Variants in PRCP observed in about 807,000 individuals in gnomAD.
PRCP encodes the protein lysosomal Pro-X carboxypeptidase.
A neutral mutation model predicts 54.2 loss-of-function variants in PRCP; 46 were observed. The ratio of observed to expected loss-of-function variants is 0.85; its 90% confidence interval spans 0.67 to 1.09. The LOEUF is 1.09. PRCP is among the 50% of genes least tolerant of loss of function. PRCP has a pLI of 0.00. For missense variants in PRCP, 613 were observed against 596.8 expected (o/e 1.03, Z -0.28); for synonymous variants, 240 against 212.2 (o/e 1.13, Z -1.14).
chr11:82,878,589 G>A (rs1859662441), intron 1 of PRCP, among the ~76,000 whole-genome samples: 1 of 152,138 alleles, frequency 6.6e-6, no homozygotes, highest in South Asian at 2.1e-4. Flanking sequence ...TCATTATGAT[G>A]TTAGCTGGTT....
chr11:82,835,823 C>T, intron 8 of PRCP: 1 of 503,476 alleles, frequency 2.0e-6, no homozygotes, highest in Admixed American at 2.0e-5. Flanking sequence ...ACCAGATGAA[C>T]CAGAGGAGGA....
intron 1 of PRCP, among the ~76,000 whole-genome samples, chr11:82,862,581 T>C (rs1859232726): frequency 6.7e-6 from 1 of 150,362 alleles, no homozygotes; most frequent in Non-Finnish European, 1.5e-5. Context: ...TGCACCCAGC[T>C]CTATCTACAC....
Position 82,825,020 on chromosome 11 carries a change from G to T in PRCP, c.1377C>A (p.Leu459=). ...TAGGATCCAAGGCATTCTTGGTGCG[G>T]AGATCTAAGTGGTGGGCCCCCTCTG... ...TISEGAHHLD[L]RTKNALDPMS... The change falls in exon 9 of 9, where the codon CTC becomes CTA. Residue 459 remains leucine (L), a synonymous_variant. Coordinates refer to ENST00000313010, the MANE Select transcript of PRCP (RefSeq NM_005040.4). The T allele has an allele frequency of 6.2e-7, 1 of 1,614,166 alleles. No homozygotes were observed. Among genetic ancestry groups the T allele is most frequent in the African/African-American group, 1.3e-5 (1 of 75,058 alleles).
intron 1 of PRCP, chr11:82,899,975 G>C: frequency 2.1e-6 from 1 of 471,264 alleles, no homozygotes; most frequent in Non-Finnish European, 3.8e-6. Flanking sequence ...GGGAGTTGAA[G>C]TGACTGTCGT....
chr11:82,854,095 A>G (rs58715416), intron 2 of PRCP, among the ~76,000 whole-genome samples: 17,758 of 152,184 alleles, frequency 0.12, 1,992 homozygotes, highest in African/African-American at 0.29. Flanking sequence ...GAACTAAGAC[A>G]AGGCAAGCAT....
intron 1 of PRCP, among the ~76,000 whole-genome samples, chr11:82,882,854 A>AACACAC (rs3222274): frequency 1.2e-4 from 9 of 72,002 alleles, no homozygotes; most frequent in Admixed American, 4.2e-4. Context: ...CTACCTGTGC[A>AACACAC]ACACACACAC....
chr11:82,886,152 T>C (rs753258201), intron 1 of PRCP, among the ~76,000 whole-genome samples: 1 of 152,202 alleles, frequency 6.6e-6, no homozygotes, highest in South Asian at 2.1e-4. Flanking sequence ...ATAATTGAAA[T>C]CTCCATTATA....
intron 6 of PRCP, among the ~76,000 whole-genome samples, chr11:82,845,255 T>G (rs1161521747): frequency 6.6e-6 from 1 of 152,150 alleles, no homozygotes; most frequent in Non-Finnish European, 1.5e-5. Context: ...TAATCCCACA[T>G]GCACCAGACA....
intron 3 of PRCP, among the ~76,000 whole-genome samples, chr11:82,852,361 T>C (rs886921199): frequency 1.8e-4 from 27 of 152,204 alleles, no homozygotes; most frequent in Admixed American, 6.5e-5. Flanking sequence ...AGTAAAGGAC[T>C]GGCCCCAAGT....
intron 1 of PRCP, chr11:82,884,765 C>A: frequency 1.2e-6 from 2 of 1,604,582 alleles, no homozygotes; most frequent in Admixed American, 3.5e-5. Context: ...GCTACTTAAC[C>A]AAGTTCATGG....
intron 1 of PRCP, among the ~76,000 whole-genome samples, chr11:82,864,041 G>T (rs1208975690): frequency 6.6e-6 from 1 of 152,192 alleles, no homozygotes; most frequent in Admixed American, 6.5e-5. Context: ...TAGGGAAAAT[G>T]CACCTAATGT....
At chr11:82,853,133 T>TA (rs1352927968) in intron 3 of PRCP, 44 bp downstream of exon 3, 2 of 1,432,654 alleles carry the variant, frequency 1.4e-6, no homozygotes, top group Admixed American at 4.4e-5. Flanking sequence ...TATTCTAAAT[T>TA]GAAAAGAAAA....
rs560860925 is a variant in PRCP, at chr11:82,839,348, T to C, written c.999A>G (p.Val333=). 2.5e-6 allele frequency: 4 copies of C among 1,613,984 alleles called. No individual in the cohort carries two copies. Among genetic ancestry groups the C allele is most frequent in the South Asian group, 1.1e-5 (1 of 91,058 alleles). ...TCACCTGGCCCGAATAATTGTAATATACATTCAGAGCTTGGAAAATATTCT... is the reference window on the plus strand; with the variant it reads ...TCACCTGGCCCGAATAATTGTAATACACATTCAGAGCTTGGAAAATATTCT... The part of the protein sequence containing the change: ...LLQNIFQALN[V]YYNYSGQVKC... Residue 333 remains valine, a synonymous_variant, in exon 7 of 9, where the codon GTA becomes GTG. Transcript: ENST00000313010.
chr11:82,850,041 C>G lies in PRCP; in HGVS notation c.624G>C (p.Gln208His), dbSNP rs145127979. 7.0e-5 allele frequency: 102 copies of G among 1,452,122 alleles called. No individual in the cohort carries two copies. In the African/African-American group the frequency reaches 1.3e-3, roughly 18 times the overall value. 90.0% of individuals were successfully genotyped at this position (1,452,122 alleles called of 1,614,324 possible). Residue 208 changes from glutamine (Q) to histidine (H), a missense_variant, in exon 5 of 9, where the codon CAG becomes CAC. Physicochemically the swap from Gln to His is conservative, Grantham distance 24. Coordinates refer to ENST00000313010, the MANE Select transcript of PRCP (RefSeq NM_005040.4). ...GALAASAPIW[Q>H]FEDLVPCGVF... ...CACCACAAGGTACTAAATCCTCAAA[C>G]TGCCAGATAGGGGCAGAAGCTGCAA...
At chr11:82,856,579 T>A (rs1325382753) in intron 2 of PRCP, among the ~76,000 whole-genome samples, 1 of 152,014 alleles carries the variant, frequency 6.6e-6, no homozygotes, top group Non-Finnish European at 1.5e-5. Flanking sequence ...ACGTATCAGG[T>A]ACTATGCTTA....
chr11:82,875,735 G>T (rs1161165794), intron 1 of PRCP, among the ~76,000 whole-genome samples: 1 of 152,128 alleles, frequency 6.6e-6, no homozygotes, highest in Non-Finnish European at 1.5e-5. Flanking sequence ...GTGAGAACAG[G>T]GTGATTGTTA....
At chr11:82,858,447 C>A (rs1472112995) in intron 2 of PRCP, 2 of 152,248 alleles carry the variant, frequency 1.3e-5, no homozygotes, top group Non-Finnish European at 2.9e-5. Flanking sequence ...TCTGGGGCTG[C>A]GGATGGGCCA....
chr11:82,896,420 C>T (rs1408504575), intron 1 of PRCP, among the ~76,000 whole-genome samples: 1 of 152,128 alleles, frequency 6.6e-6, no homozygotes, highest in Non-Finnish European at 1.5e-5. Context: ...CAAAGTTTGA[C>T]TTCCCCTCAC....
In PRCP at chr11:82,850,362, G is replaced by A. The variant is rs192816807; in HGVS notation, c.555C>T (p.Ala185=). The A allele has an allele frequency of 2.4e-5, 38 of 1,586,430 alleles. No individual in the cohort carries two copies. The highest frequency in any genetic ancestry group is 4.6e-5 in the East Asian group (2 of 43,438). ...AIGGSYGGML[A]AWFRMKYPHM... Reference sequence around the variant, plus strand: ...GAGGATATTTCATCCTAAACCAGGCGGCAAGCATGCCACCATAGGAGCCTC... The same window carrying A: ...GAGGATATTTCATCCTAAACCAGGCAGCAAGCATGCCACCATAGGAGCCTC... The change falls in exon 4 of 9, where the codon GCC becomes GCT. Residue 185 remains alanine (A), a synonymous_variant. Coordinates refer to ENST00000313010, the MANE Select transcript of PRCP (RefSeq NM_005040.4).
Sources: allele counts gnomAD v4.1 joint callset (sites outside exome capture counted in the v4.1 genomes callset), GRCh38; gene constraint gnomAD v4.1.1; transcripts MANE v1.5; gene names NCBI Gene and HGNC (gene_info 2026-07-23, HGNC 2026-07-21).